Variants in CEP89 observed in about 807,000 individuals in gnomAD.
CEP89 encodes centrosomal protein 89, also known as centrosomal protein of 89 kDa.
Under a neutral mutation model 97.6 loss-of-function variants are expected in CEP89, and 95 were observed. The observed-to-expected ratio is 0.97, with a 90% CI of 0.82 to 1.15. CEP89 has a LOEUF of 1.15. Ranked by LOEUF, CEP89 falls within the 50% of genes most tolerant of loss-of-function variation. CEP89 has a pLI of 0.00. For synonymous variants in CEP89, 354 were observed against 349.1 expected, an observed-to-expected ratio of 1.01 and a Z score of -0.16; for missense variants, 869 against 947.7, an observed-to-expected ratio of 0.92 and a Z score of 1.09.
chr19:32,915,553 A>G, intron 13 of CEP89, 36 bp from the exon 14 acceptor site: 1 of 1,556,738 alleles, frequency 6.4e-7, no homozygotes, highest in Non-Finnish European at 8.8e-7. Context: ...AACTTGGCAC[A>G]GAAGACCTCA....
Position 32,901,372 on chromosome 19 carries a change from C to T in CEP89, c.1606G>A (p.Glu536Lys). The change falls in exon 15 of 19, where the codon GAG (glutamate) becomes AAG (lysine). Residue 536 changes from glutamate to lysine, a missense_variant. Coordinates refer to ENST00000305768, the MANE Select transcript of CEP89 (RefSeq NM_032816.5). ...KEEEKERAEMEELMEKLTVLQ... is the reference protein window; with the variant it reads ...KEEEKERAEMKELMEKLTVLQ... ...ACTGTCAGCTTCTCCATCAACTCCTCCATCTCAGCCCTTTCTTTCTCTTCT... is the reference window on the plus strand; with the variant it reads ...ACTGTCAGCTTCTCCATCAACTCCTTCATCTCAGCCCTTTCTTTCTCTTCT... 2.5e-6 allele frequency: 4 copies of T among 1,613,726 alleles called. No homozygotes were observed. Among genetic ancestry groups the T allele is most frequent in the Non-Finnish European group, 3.4e-6 (4 of 1,179,938 alleles).
chr19:32,939,993 G>T, intron 5 of CEP89, 108 bp from the exon 6 acceptor site: 1 of 568,622 alleles, frequency 1.8e-6, no homozygotes, highest in Non-Finnish European at 3.2e-6. Context: ...AGCTCGACAA[G>T]GCCCAGAACA....
intron 16 of CEP89, among the ~76,000 whole-genome samples, chr19:32,894,673 G>A (rs1323151909): frequency 1.3e-5 from 2 of 152,190 alleles, no homozygotes; most frequent in African/African-American, 4.8e-5. Context: ...GCATGTACAT[G>A]CTGAGTGCAT....
At chr19:32,916,089 T>TA (rs1396097798) in intron 13 of CEP89, among the ~76,000 whole-genome samples, 6 of 151,640 alleles carry the variant, frequency 4.0e-5, no homozygotes, top group Non-Finnish European at 7.4e-5. Flanking sequence ...CCAGCCTGGG[T>TA]AACATAGTGA....
chr19:32,908,250 G>A (rs1029348712), intron 14 of CEP89, among the ~76,000 whole-genome samples: 3 of 152,256 alleles, frequency 2.0e-5, no homozygotes, highest in Admixed American at 6.5e-5. Context: ...AAGGCAGGGG[G>A]AGAAATGACC....
At chr19:32,918,878 C>T (rs1315609565) in intron 12 of CEP89, among the ~76,000 whole-genome samples, 1 of 110,840 alleles carries the variant, frequency 9.0e-6, no homozygotes, top group Non-Finnish European at 1.9e-5. Context: ...TTTTCTTTTT[C>T]TTTTTCTTTT....
intron 15 of CEP89, among the ~76,000 whole-genome samples, chr19:32,900,671 GA>G (rs1339426673): frequency 3.3e-5 from 5 of 152,112 alleles, no homozygotes; most frequent in African/African-American, 7.2e-5. Flanking sequence ...GAAATGGTTA[GA>G]AAAGAGCTCC....
intron 3 of CEP89, among the ~76,000 whole-genome samples, chr19:32,958,067 G>C (rs1192545866): frequency 6.6e-6 from 1 of 151,290 alleles, no homozygotes; most frequent in East Asian, 1.9e-4. Flanking sequence ...ACTCCTGTGG[G>C]TCAGACCATC....
chr19:32,953,097 C>G (rs570359461), intron 4 of CEP89, among the ~76,000 whole-genome samples: 1 of 151,370 alleles, frequency 6.6e-6, no homozygotes, highest in East Asian at 1.9e-4. Context: ...TTCCTTGAAT[C>G]TCTCTGTGTG....
rs186177558 is a variant in CEP89, at chr19:32,905,644, C to A, written c.1566-4232G>T. On this transcript the variant is annotated intron_variant, in intron 14 of 18. Transcript: ENST00000305768. The stretch of plus-strand genomic sequence containing the variant: ...GACATAAATTATTTCTAGGTGCACA[C>A]AAATTTAAATTTGTGTGAATTCTAC... Among the ~76,000 whole-genome samples, 155 of 152,280 alleles carry A rather than the reference C, an allele frequency of 1.0e-3. 1 individual carries two copies. The highest frequency in any genetic ancestry group is 3.5e-3 in the African/African-American group (144 of 41,562).
intron 16 of CEP89, among the ~76,000 whole-genome samples, 168 bp downstream of exon 16, chr19:32,899,689 C>T (rs1050383854): frequency 9.2e-5 from 14 of 152,182 alleles, no homozygotes; most frequent in African/African-American, 3.1e-4. Context: ...AATAAGATTA[C>T]TTCCCAATAA....
chr19:32,887,163 C>A (rs77230480), intron 17 of CEP89, among the ~76,000 whole-genome samples: 12,328 of 151,678 alleles, frequency 0.081, 1,563 homozygotes, highest in African/African-American at 0.27. Flanking sequence ...TGCACTCCAG[C>A]CTGGATGACA....
intron 17 of CEP89, 30 bp downstream of exon 17, chr19:32,887,722 T>C (rs745619280): frequency 3.5e-6 from 5 of 1,417,886 alleles, no homozygotes; most frequent in Non-Finnish European, 5.0e-6. Context: ...CATCTGAAAA[T>C]GAAATCTCTG....
intron 14 of CEP89, among the ~76,000 whole-genome samples, chr19:32,903,108 G>C (rs759781178): frequency 2.6e-5 from 4 of 151,956 alleles, no homozygotes; most frequent in Non-Finnish European, 4.4e-5. Flanking sequence ...TTGGGAGGCT[G>C]AGGTGGGAGG....
At position 32,937,691 on chromosome 19, in the gene CEP89, T is replaced by C; in HGVS notation, c.625-18A>G. ...TTTTCATCCTAGGAAAGAAAGAACA[T>C]AAGAGGAATAAGTGCAGAGCATTAG... On this transcript the variant is annotated intron_variant, in intron 6 of 18. Coordinates refer to ENST00000305768, the MANE Select transcript of CEP89 (RefSeq NM_032816.5). 6.3e-7 allele frequency: 1 copy of C among 1,585,790 alleles called. No individual in the cohort carries two copies. The highest frequency in any genetic ancestry group is 8.6e-7 in the Non-Finnish European group (1 of 1,157,214).
At position 32,901,280 on chromosome 19, in the gene CEP89, C is replaced by A; in HGVS notation, c.1698G>T (p.Leu566=). The change falls in exon 15 of 19, where the codon CTG becomes CTT. Residue 566 remains leucine (L), a synonymous_variant. Transcript: ENST00000305768. ...KNSLTEQNKA[L]EAELERAQKI... is the part of the protein sequence containing the mutation. Reference sequence around the variant, plus strand: ...TCTGTGCTCGTTCAAGTTCGGCTTCCAGTGCTTTGTTTTGCTCTGTCAAAC... The same window carrying A: ...TCTGTGCTCGTTCAAGTTCGGCTTCAAGTGCTTTGTTTTGCTCTGTCAAAC... 6.2e-7 allele frequency: 1 copy of A among 1,613,678 alleles called. No individual in the cohort carries two copies. The highest frequency in any genetic ancestry group is 8.5e-7 in the Non-Finnish European group (1 of 1,179,946).
At chr19:32,914,292 T>G (rs962338666) in intron 14 of CEP89, among the ~76,000 whole-genome samples, 1 of 152,166 alleles carries the variant, frequency 6.6e-6, no homozygotes, top group East Asian at 1.9e-4. Context: ...TTTATTTATT[T>G]ATCATTTTTT....
intron 3 of CEP89, among the ~76,000 whole-genome samples, chr19:32,955,712 C>T (rs1235501595): frequency 6.6e-6 from 1 of 152,074 alleles, no homozygotes; most frequent in East Asian, 1.9e-4. Flanking sequence ...TGGGGTTTCA[C>T]CACATTGGCC....
chr19:32,901,571 A>T (rs1420359603), intron 14 of CEP89, among the ~76,000 whole-genome samples, 159 bp from the exon 15 acceptor site: 1 of 151,972 alleles, frequency 6.6e-6, no homozygotes, highest in Non-Finnish European at 1.5e-5. Context: ...CCTGGGCCCT[A>T]GAGGACCTGG....
Sources: allele counts gnomAD v4.1 joint callset (sites outside exome capture counted in the v4.1 genomes callset), GRCh38; gene constraint gnomAD v4.1.1; transcripts MANE v1.5; gene names NCBI Gene and HGNC (gene_info 2026-07-23, HGNC 2026-07-21).